PDE10A: variants seen among roughly 807,000 people sequenced by gnomAD.
PDE10A encodes cAMP and cAMP-inhibited cGMP 3',5'-cyclic phosphodiesterase 10A.
In PDE10A, 39 loss-of-function variants were observed where a neutral mutation model predicts 97.7. That is an observed-to-expected ratio of 0.40 (90% CI 0.31 to 0.52). PDE10A has a LOEUF of 0.52. Among genes scored for constraint, PDE10A ranks in the 20% least tolerant of loss-of-function variants. The pLI is 0.56. For missense variants in PDE10A, 731 were observed against 1,047.8 expected (o/e 0.70, Z 4.17); for synonymous variants, 371 against 376.8 (o/e 0.98, Z 0.18).
intron 1 of PDE10A, among the ~76,000 whole-genome samples, chr6:165,619,321 G>GGTGTAGTGTA (rs1331637555): frequency 2.4e-5 from 1 of 40,858 alleles, no homozygotes; most frequent in African/African-American, 1.1e-4. Context: ...AGTCTAGTGT[G>GGTGTAGTGTA]GTGTAGTGTA....
intron 1 of PDE10A, among the ~76,000 whole-genome samples, chr6:165,975,875 G>A (rs1460100626): frequency 2.0e-5 from 3 of 152,208 alleles, no homozygotes; most frequent in Non-Finnish European, 2.9e-5. Context: ...ACGATATTGC[G>A]TGTGGGTAGA....
chr6:165,530,615 C>CCT (rs1554280576), intron 2 of PDE10A, among the ~76,000 whole-genome samples: 1 of 125,234 alleles, frequency 8.0e-6, no homozygotes, highest in African/African-American at 2.6e-5. Flanking sequence ...ATGTACCCCC[C>CCT]CCACGAATCT....
In PDE10A at chr6:165,367,302, G is replaced by A. The variant is rs557381580; in HGVS notation, c.2783+11892C>T. On this transcript the variant is annotated intron_variant, in intron 18 of 21. Coordinates refer to ENST00000539869, the MANE Select transcript of PDE10A (RefSeq NM_001385079.1). Reference sequence around the variant, plus strand: ...GTATTTTCTAAAAATCACAACATGAGGTTAACTACAGATTGGACAGAATAT... The same window carrying A: ...GTATTTTCTAAAAATCACAACATGAAGTTAACTACAGATTGGACAGAATAT... Among the ~76,000 whole-genome samples, 13 of 145,938 alleles carry A rather than the reference G, an allele frequency of 8.9e-5. No individual in the cohort carries two copies. The South Asian group carries it at 2.6e-3, about 29-fold the overall frequency.
rs190343753 is a variant in PDE10A, at chr6:165,535,003, T to C, written c.994+8437A>G. Among the ~76,000 whole-genome samples the C allele has an allele frequency of 2.2e-3, 330 of 152,102 alleles. 2 individuals carry two copies. The highest frequency in any genetic ancestry group is 3.6e-3 in the Non-Finnish European group (243 of 67,910). On this transcript the variant is annotated intron_variant, in intron 2 of 21. Coordinates refer to ENST00000539869, the MANE Select transcript of PDE10A (RefSeq NM_001385079.1). The stretch of plus-strand genomic sequence containing the variant: ...AATTGGAAAGGAAGAAGTCAAGCTG[T>C]CCTGGTTTTCAGATGACACGATCTT...
At chr6:165,735,630 A>C (rs1329626399) in intron 1 of PDE10A, among the ~76,000 whole-genome samples, 1 of 152,142 alleles carries the variant, frequency 6.6e-6, no homozygotes, top group East Asian at 1.9e-4. Context: ...CCAAGTTCAA[A>C]GGCCATCAGG....
rs1217474866 is a variant in PDE10A, at chr6:165,411,041, A to C, written c.2076+2460T>G. 9.3e-5 allele frequency among the ~76,000 whole-genome samples: 10 copies of C among 107,558 alleles called. No homozygotes were observed. In the South Asian group the frequency reaches 1.3e-3, roughly 14 times the overall value. The allele number at this position is 107,558 out of a possible 152,430, so 70.6% of individuals were successfully genotyped here. On this transcript the variant is annotated intron_variant, in intron 13 of 21. Coordinates refer to ENST00000539869, the MANE Select transcript of PDE10A (RefSeq NM_001385079.1). ...GGCGGAGCTTGCAGTGAGCCGAGAC[A>C]GCGCCACTGCCCTCCAGCCTGGGCA...
At chr6:165,549,140 G>C (rs1434850915) in intron 1 of PDE10A, among the ~76,000 whole-genome samples, 2 of 152,124 alleles carry the variant, frequency 1.3e-5, no homozygotes, top group African/African-American at 2.4e-5. Flanking sequence ...CCCAGACATA[G>C]AGTCGTACTC....
chr6:165,865,517 C>T (rs1413422894), intron 1 of PDE10A, among the ~76,000 whole-genome samples: 1 of 151,818 alleles, frequency 6.6e-6, no homozygotes, highest in Admixed American at 6.6e-5. Context: ...TAGTGAGATA[C>T]AAGAGAGCAC....
intron 2 of PDE10A, among the ~76,000 whole-genome samples, chr6:165,536,211 G>A (rs1315141529): frequency 6.6e-6 from 1 of 151,958 alleles, no homozygotes; most frequent in Non-Finnish European, 1.5e-5. Context: ...AACATACAAT[G>A]AGGAAAGGAC....
intron 1 of PDE10A, among the ~76,000 whole-genome samples, chr6:165,896,169 A>G (rs1009164406): frequency 1.3e-5 from 2 of 152,012 alleles, no homozygotes; most frequent in African/African-American, 4.8e-5. Context: ...CCAGACCAGC[A>G]CTGCATCTTG....
intron 1 of PDE10A, among the ~76,000 whole-genome samples, chr6:165,700,270 G>A (rs1298776858): frequency 6.6e-6 from 1 of 152,174 alleles, no homozygotes; most frequent in Non-Finnish European, 1.5e-5. Context: ...GACAGAAGAT[G>A]GTTGTGTAGG....
chr6:165,706,269 T>C (rs1466183455), intron 1 of PDE10A, among the ~76,000 whole-genome samples: 3 of 152,242 alleles, frequency 2.0e-5, no homozygotes, highest in African/African-American at 7.2e-5. Context: ...TCCTTCAAGA[T>C]AATGATTTCC....
At chr6:165,953,103 G>A (rs1422589054) in intron 1 of PDE10A, among the ~76,000 whole-genome samples, 10 of 152,160 alleles carry the variant, frequency 6.6e-5, no homozygotes, top group African/African-American at 2.2e-4. Context: ...CGGCATTGTA[G>A]TTTGCACTTA....
intron 1 of PDE10A, among the ~76,000 whole-genome samples, chr6:165,920,909 A>G (rs1450158966): frequency 6.6e-6 from 1 of 152,254 alleles, no homozygotes; most frequent in Non-Finnish European, 1.5e-5. Context: ...TATGACACAA[A>G]TAGCACTCTC....
intron 1 of PDE10A, among the ~76,000 whole-genome samples, chr6:165,739,505 C>A (rs779329969): frequency 6.6e-6 from 1 of 152,024 alleles, no homozygotes; most frequent in East Asian, 1.9e-4. Context: ...AGAGGAAAGA[C>A]TTAAATGTAA....
chr6:165,686,793 A>G (rs573614802), intron 1 of PDE10A, among the ~76,000 whole-genome samples: 15 of 152,294 alleles, frequency 9.8e-5, no homozygotes, highest in African/African-American at 3.4e-4. Flanking sequence ...GTCGGTCCTT[A>G]CGGGCATGAG....
intron 1 of PDE10A, among the ~76,000 whole-genome samples, chr6:165,546,365 C>T (rs955653016): frequency 2.0e-5 from 3 of 151,726 alleles, no homozygotes; most frequent in Admixed American, 2.0e-4. Flanking sequence ...ATGAATTTGC[C>T]AAAAATCTGT....
At chr6:165,387,305 C>T (rs919003185) in intron 17 of PDE10A, among the ~76,000 whole-genome samples, 4 of 152,120 alleles carry the variant, frequency 2.6e-5, no homozygotes, top group Admixed American at 2.6e-4. Context: ...CCTTCGTAGG[C>T]CTGAGGACAT....
At chr6:165,656,456 C>T (rs962481588) in intron 1 of PDE10A, among the ~76,000 whole-genome samples, 2 of 151,750 alleles carry the variant, frequency 1.3e-5, no homozygotes, top group South Asian at 2.1e-4. Flanking sequence ...TCTCGTGTGC[C>T]GAGGACTCTG....
Sources: allele counts gnomAD v4.1 joint callset (sites outside exome capture counted in the v4.1 genomes callset), GRCh38; gene constraint gnomAD v4.1.1; transcripts MANE v1.5; gene names NCBI Gene and HGNC (gene_info 2026-07-23, HGNC 2026-07-21).